Variants in EIF4G2 observed in about 807,000 individuals in gnomAD.
EIF4G2 encodes DAP-5.
EIF4G2 carries 8 observed loss-of-function variants against 117.7 expected under a neutral mutation model. The ratio of observed to expected loss-of-function variants is 0.07; its 90% confidence interval spans 0.04 to 0.12. The LOEUF is 0.12. Among genes scored for constraint, EIF4G2 ranks in the 10% least tolerant of loss-of-function variants. The probability of loss-of-function intolerance (pLI) is 1.00; values close to 1 mark genes in which losing one functional copy is unlikely to be tolerated. For missense variants in EIF4G2, 812 were observed against 1,086.2 expected (o/e 0.75, Z 3.55); for synonymous variants, 413 against 367.8 (o/e 1.12, Z -1.41).
At position 10,798,103 on chromosome 11, in the gene EIF4G2, C is replaced by A. The variant is rs114897414; in HGVS notation, c.2659-222G>T. On this transcript the variant is annotated intron_variant, in intron 21 of 21. Transcript: ENST00000339995. ...GATGATCCTCGTGAATCTTGTTTATCATCAGCAATAAAAAGGTAGGAAGAT... is the reference window on the plus strand; with the variant it reads ...GATGATCCTCGTGAATCTTGTTTATAATCAGCAATAAAAAGGTAGGAAGAT... 4.6e-3 allele frequency among the ~76,000 whole-genome samples: 705 copies of A among 152,286 alleles called. 8 individuals are homozygous for A. Among genetic ancestry groups the A allele is most frequent in the African/African-American group, 0.016 (683 of 41,564 alleles).
intron 4 of EIF4G2, 50 bp from the exon 5 acceptor site, chr11:10,805,065 G>T: frequency 9.1e-6 from 13 of 1,421,128 alleles, no homozygotes; most frequent in South Asian, 1.2e-5. Context: ...CACAGAATTT[G>T]AATTGAAAAA....
At position 10,806,054 on chromosome 11, in the gene EIF4G2, A is replaced by T. The variant is rs769504420; in HGVS notation, c.108-7T>A. On this transcript the variant is annotated splice_region_variant and splice_polypyrimidine_tract_variant and intron_variant, in intron 3 of 21. Coordinates refer to ENST00000339995, the MANE Select transcript of EIF4G2 (RefSeq NM_001418.4). Reference sequence around the variant, plus strand: ...GGTTTTCCCCAGGAACTCGCTGATTAATAAAAATCAGCAAAAACACTTATT... The same window carrying T: ...GGTTTTCCCCAGGAACTCGCTGATTTATAAAAATCAGCAAAAACACTTATT... The T allele has an allele frequency of 3.9e-5, 63 of 1,614,058 alleles. No individual in the cohort carries two copies.
rs1847479662 is a variant in EIF4G2, at chr11:10,803,351, A to T, written c.814-57T>A. 3 of 1,592,388 alleles carry T rather than the reference A, an allele frequency of 1.9e-6. No homozygotes were observed. The highest frequency in any genetic ancestry group is 2.6e-6 in the Non-Finnish European group (3 of 1,164,130). The stretch of plus-strand genomic sequence containing the variant: ...GCTAAAGCAAATGTGTTCAATTTAC[A>T]GCTTTAAGACTTCTAAAATTATAAC... On this transcript the variant is annotated intron_variant, in intron 9 of 21. Transcript: ENST00000339995. The surrounding 1 kb of genome is among the most constrained non-coding windows in gnomAD (Gnocchi z 4.0).
chr11:10,806,921 A>G (rs956674181), intron 2 of EIF4G2, 36 bp from the exon 3 acceptor site: 2 of 1,580,384 alleles, frequency 1.3e-6, no homozygotes, highest in African/African-American at 3.0e-5. Context: ...CTGTATCCCA[A>G]CTATGTCTCA....
chr11:10,799,968 A>G, intron 18 of EIF4G2, 122 bp downstream of exon 18: 1 of 1,196,586 alleles, frequency 8.4e-7, no homozygotes, highest in Admixed American at 2.3e-5. Context: ...ATCTGTGGTA[A>G]TGTTTATCAT....
rs16908330 is a variant in EIF4G2, at chr11:10,808,542, G to A, written c.-87+163C>T. 1,596 of 1,157,532 alleles carry A rather than the reference G, an allele frequency of 1.4e-3. 11 individuals are homozygous for A. In the African/African-American group the frequency reaches 0.021, roughly 15 times the overall value. 71.7% of individuals were successfully genotyped at this position (1,157,532 alleles called of 1,614,324 possible). A position where few individuals can be genotyped will look rare whatever the true frequency, so the allele number is the denominator to read the frequency against. ...TCAGCAACAGGAAGAGAGAACAAAA[G>A]CCAAGACTTTCCAGGTATCTGAAGC... On this transcript the variant is annotated intron_variant, in intron 1 of 21. Coordinates refer to ENST00000339995, the MANE Select transcript of EIF4G2 (RefSeq NM_001418.4).
Position 10,805,921 on chromosome 11 carries a change from G to C in EIF4G2, c.234C>G (p.Phe78Leu). ...TTGAAACTTACCCTCTTACTTTCCT[G>C]AAGATTGCATCATGTCGTTCTTTTT... Residue 78 changes from phenylalanine (F) to leucine (L), a missense_variant, in exon 4 of 22, where the codon TTC becomes TTG. By Grantham distance (22) the Phe-to-Leu change is conservative. This residue lies in a region of EIF4G2 where 154 missense variants were observed against 322.1 expected (regional missense o/e 0.48). Transcript: ENST00000339995. 1 of 1,614,128 alleles carries C rather than the reference G, an allele frequency of 6.2e-7. No homozygotes were observed.
intron 1 of EIF4G2, chr11:10,807,620 A>G: frequency 9.0e-7 from 1 of 1,114,112 alleles, no homozygotes. Flanking sequence ...ACGGCTCAGA[A>G]CGAATCTTTT....
intron 14 of EIF4G2, chr11:10,801,302 C>T (rs1847409372): frequency 9.3e-6 from 6 of 646,950 alleles, no homozygotes; most frequent in Admixed American, 5.9e-5. Flanking sequence ...ATAAATCTTA[C>T]ATTCTCTTAG....
intron 1 of EIF4G2, 175 bp downstream of exon 1, chr11:10,808,530 G>A (rs1017982008): frequency 8.4e-7 from 1 of 1,190,864 alleles, no homozygotes; most frequent in Non-Finnish European, 1.1e-6. Context: ...GCAACAGGAA[G>A]AGAGAACAAA....
At chr11:10,799,825 A>G in intron 18 of EIF4G2, 69 bp from the exon 19 acceptor site, 4 of 1,518,038 alleles carry the variant, frequency 2.6e-6, no homozygotes, top group Non-Finnish European at 2.7e-6. Flanking sequence ...CAGAGAGCAG[A>G]GCTTCACAAA....
intron 14 of EIF4G2, 117 bp from the exon 15 acceptor site, chr11:10,801,204 A>C: frequency 2.8e-6 from 4 of 1,440,664 alleles, no homozygotes; most frequent in Non-Finnish European, 3.7e-6. Context: ...AAGCTTTTTG[A>C]AAAACTAAAG....
At chr11:10,800,396 A>T in intron 17 of EIF4G2, 36 bp downstream of exon 17, 1 of 1,613,110 alleles carries the variant, frequency 6.2e-7, no homozygotes, top group Non-Finnish European at 8.5e-7. Flanking sequence ...TTTGAGTGGT[A>T]AGAGTTCTTA....
In EIF4G2 at chr11:10,802,112, T is replaced by C. The variant is rs1303081564; in HGVS notation, c.1236A>G (p.Gly412=). ...GCGATTGTGTGGGAGGCATGATGTGTCCCCCATGGCCATTGAAGAGTTGAT... is the reference window on the plus strand; with the variant it reads ...GCGATTGTGTGGGAGGCATGATGTGCCCCCCATGGCCATTGAAGAGTTGAT... Residue 412 remains glycine, a synonymous_variant, in exon 13 of 22, where the codon GGA becomes GGG. Coordinates refer to ENST00000339995, the MANE Select transcript of EIF4G2 (RefSeq NM_001418.4). The C allele has an allele frequency of 8.4e-7, 1 of 1,185,800 alleles. No individual in the cohort carries two copies. Among genetic ancestry groups the C allele is most frequent in the Non-Finnish European group, 1.1e-6 (1 of 937,944 alleles). 73.5% of individuals were successfully genotyped at this position (1,185,800 alleles called of 1,614,324 possible).
chr11:10,797,921 T>TA lies in EIF4G2; in HGVS notation c.2659-41dup. On this transcript the variant is annotated intron_variant, in intron 21 of 21. Coordinates refer to ENST00000339995, the MANE Select transcript of EIF4G2 (RefSeq NM_001418.4). This position sits in a 1 kb window ranked among gnomAD's most constrained non-coding sequence, Gnocchi z 4.5. ...TTGTAAATTAAAATAGTTCATGATA[T>TA]AAACAGAAATCCATCCAAAAAGTTT... 1 of 1,595,636 alleles carries TA rather than the reference T, an allele frequency of 6.3e-7. No homozygotes were observed. Among genetic ancestry groups the TA allele is most frequent in the Non-Finnish European group, 8.6e-7 (1 of 1,166,702 alleles).
chr11:10,801,503 C>G (rs1847416091), intron 14 of EIF4G2, 158 bp downstream of exon 14: 1 of 811,208 alleles, frequency 1.2e-6, no homozygotes, highest in African/African-American at 1.7e-5. Flanking sequence ...TCACAGGACG[C>G]TGGACATTCA....
intron 14 of EIF4G2, 103 bp from the exon 15 acceptor site, chr11:10,801,190 C>A: frequency 6.7e-7 from 1 of 1,491,812 alleles, no homozygotes; most frequent in South Asian, 1.4e-5. Flanking sequence ...TCTAGGGAAA[C>A]ATTAAGCTTT....
chr11:10,802,123 C>T lies in EIF4G2; in HGVS notation c.1225G>A (p.Gly409Ser). 7.7e-7 allele frequency: 1 copy of T among 1,303,922 alleles called. No individual in the cohort carries two copies. Among genetic ancestry groups the T allele is most frequent in the Non-Finnish European group, 9.9e-7 (1 of 1,007,370 alleles). The allele number at this position is 1,303,922 out of a possible 1,614,324, so 80.8% of individuals were successfully genotyped here. ...GGAGGCATGATGTGTCCCCCATGGC[C>T]ATTGAAGAGTTGATTTGAACGATGA... Residue 409 changes from glycine (G) to serine (S), a missense_variant, in exon 13 of 22, where the codon GGC (glycine) becomes AGC (serine). Coordinates refer to ENST00000339995, the MANE Select transcript of EIF4G2 (RefSeq NM_001418.4).
rs754844800 is a variant in EIF4G2 at position 10,807,347 on chromosome 11, G to A, written c.-52C>T. The A allele has an allele frequency of 5.6e-6, 9 of 1,611,478 alleles. No homozygotes were observed. Among genetic ancestry groups the A allele is most frequent in the Non-Finnish European group, 6.8e-6 (8 of 1,179,570 alleles). ...TCAAAAGAATAATATTAATAGATGGGGTGGGGAGGGGAGGGGACAGGAGAA... is the reference window on the plus strand; with the variant it reads ...TCAAAAGAATAATATTAATAGATGGAGTGGGGAGGGGAGGGGACAGGAGAA... On this transcript the variant is annotated 5_prime_UTR_variant, in exon 2 of 22. Coordinates refer to ENST00000339995, the MANE Select transcript of EIF4G2 (RefSeq NM_001418.4).
Sources: gnomAD v4.1 joint callset for allele counts (sites outside exome capture counted in the v4.1 genomes callset) on GRCh38, gnomAD v4.1.1 for gene constraint, gnomAD v4.1.1 regional missense constraint, Gnocchi (gnomAD v3.1) non-coding constraint, MANE v1.5 for transcripts, NCBI Gene and HGNC (gene_info 2026-07-23, HGNC 2026-07-21) for gene names.